NOD1: variants seen among roughly 807,000 people sequenced by gnomAD.
NOD1 encodes nucleotide binding oligomerization domain containing 1.
In NOD1, 70 loss-of-function variants were observed where a neutral mutation model predicts 81.2. The observed-to-expected ratio is 0.86, with a 90% CI of 0.71 to 1.05. NOD1 has a LOEUF of 1.05. NOD1 is among the 50% of genes least tolerant of loss of function. The probability of loss-of-function intolerance (pLI) is 0.00; values close to 1 mark genes in which losing one functional copy is unlikely to be tolerated. For synonymous variants in NOD1, 508 were observed against 526.9 expected, an observed-to-expected ratio of 0.96 and a Z score of 0.49; for missense variants, 1,233 against 1,228.0, an observed-to-expected ratio of 1.00 and a Z score of -0.06.
intron 1 of NOD1, among the ~76,000 whole-genome samples, chr7:30,463,283 G>GAAAGGCAA (rs1787345100): frequency 6.6e-6 from 1 of 152,052 alleles, no homozygotes; most frequent in African/African-American, 2.4e-5. Context: ...TTCTTTTAAG[G>GAAAGGCAA]AAAGGCAAAA....
intron 1 of NOD1, chr7:30,460,287 T>G (rs1466966469): frequency 1.0e-6 from 1 of 985,330 alleles, no homozygotes; most frequent in African/African-American, 1.7e-5. Context: ...TGGGCACTTA[T>G]TACCAGAAAC....
intron 3 of NOD1, among the ~76,000 whole-genome samples, chr7:30,457,391 C>A (rs1193604243): frequency 6.6e-6 from 1 of 152,094 alleles, no homozygotes; most frequent in African/African-American, 2.4e-5. Context: ...TTCAAGGCTG[C>A]AGTGAACGAT....
chr7:30,463,745 GTACC>G lies in NOD1; in HGVS notation c.-351-3708_-351-3705del, dbSNP rs1787398240. The stretch of plus-strand genomic sequence containing the variant: ...CATTTTATAAAGATGTTCTCCACAT[GTACC>G]TTTCTATGTTTTAATAACTTTTTCT... On this transcript the variant is annotated intron_variant, in intron 1 of 13. Transcript: ENST00000222823. 4 of 151,822 alleles carry G rather than the reference GTACC, an allele frequency of 2.6e-5. No homozygotes were observed. In the South Asian group the frequency reaches 8.3e-4, roughly 32 times the overall value. The allele number at this position is 151,822 out of a possible 1,614,324, so 9.4% of individuals were successfully genotyped here.
chr7:30,468,895 A>G, intron 1 of NOD1: 1 of 985,456 alleles, frequency 1.0e-6, no homozygotes, highest in Non-Finnish European at 1.2e-6. Flanking sequence ...TTGGATGTTC[A>G]GGGTTGTGGT....
At chr7:30,455,754 A>G (rs1786296941) in intron 4 of NOD1, among the ~76,000 whole-genome samples, 1 of 152,066 alleles carries the variant, frequency 6.6e-6, no homozygotes, top group Non-Finnish European at 1.5e-5. Flanking sequence ...GGCACCCACC[A>G]CCATGCCCGA....
chr7:30,433,759 T>TG (rs996479180), intron 11 of NOD1, among the ~76,000 whole-genome samples: 1 of 152,048 alleles, frequency 6.6e-6, no homozygotes, highest in African/African-American at 2.4e-5. Context: ...GACCCACTTG[T>TG]GCCAGTGGAC....
chr7:30,451,224 A>G lies in NOD1; in HGVS notation c.2193T>C (p.Thr731=), dbSNP rs1243710456. Residue 731 remains threonine (T), a synonymous_variant, in exon 6 of 14, where the codon ACT becomes ACC. Transcript: ENST00000222823. This position sits in a 1 kb window ranked among gnomAD's most constrained non-coding sequence, Gnocchi z 4.2. The part of the protein sequence containing the change: ...RELQPCFSRL[T]VLRLSVNQIT... ...TTGCCTGGCAGCCTCACCTGAGAAC[A>G]GTGAGGCGGCTGAAGCAGGGCTGCA... 5 of 1,612,772 alleles carry G rather than the reference A, an allele frequency of 3.1e-6. No homozygotes were observed. The highest frequency in any genetic ancestry group is 4.2e-6 in the Non-Finnish European group (5 of 1,179,272).
At chr7:30,473,551 A>AT (rs891268934) in intron 1 of NOD1, among the ~76,000 whole-genome samples, 141 of 151,954 alleles carry the variant, frequency 9.3e-4, no homozygotes, top group African/African-American at 3.1e-3. Context: ...TCGGTATCAG[A>AT]TTTTTTTTTC....
Position 30,452,157 on chromosome 7 carries a change from G to A in NOD1, c.1260C>T (p.Thr420=). The A allele has an allele frequency of 6.2e-7, 1 of 1,614,014 alleles. No homozygotes were observed. The highest frequency in any genetic ancestry group is 8.5e-7 in the Non-Finnish European group (1 of 1,180,034). The change falls in exon 6 of 14, where the codon ACC becomes ACT. Residue 420 remains threonine, a synonymous_variant. Coordinates refer to ENST00000222823, the MANE Select transcript of NOD1 (RefSeq NM_006092.4). ...GSPQLPDCTM[T]LTDVFLLVTE... The stretch of plus-strand genomic sequence containing the variant: ...TGACCAGGAGGAAGACATCTGTCAG[G>A]GTCATCGTGCAGTCGGGCAGCTGTG...
chr7:30,460,248 T>C lies in NOD1; in HGVS notation c.-351-207A>G, dbSNP rs57461794. The C allele has an allele frequency of 1.5e-3, 1,480 of 985,382 alleles. 16 individuals are homozygous for C. In the African/African-American group the frequency reaches 0.024, roughly 16 times the overall value. 61.0% of individuals were successfully genotyped at this position (985,382 alleles called of 1,614,324 possible). On this transcript the variant is annotated intron_variant, in intron 1 of 13. Transcript: ENST00000222823. ...CTAAGGGTAGACCAAAACCATACCA[T>C]GGGAGACTGGAGATCAATTCGAAGT...
chr7:30,465,791 C>G (rs902392080), intron 1 of NOD1, among the ~76,000 whole-genome samples: 1 of 152,202 alleles, frequency 6.6e-6, no homozygotes, highest in Non-Finnish European at 1.5e-5. Context: ...GTAGCAGATG[C>G]TATCTTAGAG....
At position 30,446,179 on chromosome 7, in the gene NOD1, G is replaced by A. The variant is rs1230323341; in HGVS notation, c.2415C>T (p.Ala805=). The stretch of plus-strand genomic sequence containing the variant: ...TTGATTTGCTGTTCTTCACAGCCAG[G>A]GCGAGATACTTCCCTCCTTCACTTG... The part of the protein sequence containing the change: ...KITSEGGKYL[A]LAVKNSKSIS... The change falls in exon 9 of 14, where the codon GCC becomes GCT. Residue 805 remains alanine (A), a synonymous_variant. Coordinates refer to ENST00000222823, the MANE Select transcript of NOD1 (RefSeq NM_006092.4). 6.2e-7 allele frequency: 1 copy of A among 1,614,118 alleles called. No homozygotes were observed. Among genetic ancestry groups the A allele is most frequent in the Non-Finnish European group, 8.5e-7 (1 of 1,180,008 alleles).
intron 1 of NOD1, among the ~76,000 whole-genome samples, chr7:30,473,520 C>T (rs1386575078): frequency 6.6e-6 from 1 of 152,186 alleles, no homozygotes; most frequent in African/African-American, 2.4e-5. Flanking sequence ...TTGCAACCCA[C>T]TCTAATAATG....
At chr7:30,433,483 C>G in intron 11 of NOD1, 1 of 419,352 alleles carries the variant, frequency 2.4e-6, no homozygotes, top group Non-Finnish European at 4.3e-6. Context: ...TGGGGGCCCA[C>G]GGAAAACAAA....
chr7:30,463,586 A>G (rs1583843716), intron 1 of NOD1: 1 of 152,760 alleles, frequency 6.5e-6, no homozygotes, highest in East Asian at 1.9e-4. Context: ...GTGGCCCCAG[A>G]GAAACCACAG....
intron 9 of NOD1, among the ~76,000 whole-genome samples, 195 bp from the exon 10 acceptor site, chr7:30,437,851 G>T (rs181423080): frequency 7.2e-5 from 11 of 152,332 alleles, no homozygotes; most frequent in Non-Finnish European, 1.3e-4. Context: ...CAAATTCAAG[G>T]GGTGATGCAA....
chr7:30,427,416 G>C (rs781560676), intron 13 of NOD1, among the ~76,000 whole-genome samples: 3 of 152,236 alleles, frequency 2.0e-5, no homozygotes, highest in Non-Finnish European at 2.9e-5. Flanking sequence ...GCTCCAAGCA[G>C]AGCTGCTCCC....
chr7:30,430,197 AAATAGTTCTCATG>A lies in NOD1; in HGVS notation c.2706-753_2706-741del, dbSNP rs1027862139. 6.6e-5 allele frequency among the ~76,000 whole-genome samples: 10 copies of A among 152,204 alleles called. No homozygotes were observed. The East Asian group carries it at 7.7e-4, about 12-fold the overall frequency. On this transcript the variant is annotated intron_variant, in intron 12 of 13. Coordinates refer to ENST00000222823, the MANE Select transcript of NOD1 (RefSeq NM_006092.4). Reference sequence around the variant, plus strand: ...GAGGAGAAACAGTTATGCTGCCATGAAATAGTTCTCATGAATAGTTCTCATGGGGCTCAGTGGA... The same window carrying A: ...GAGGAGAAACAGTTATGCTGCCATGAAATAGTTCTCATGGGGCTCAGTGGA...
intron 13 of NOD1, among the ~76,000 whole-genome samples, chr7:30,428,194 C>T (rs1783626116): frequency 6.6e-6 from 1 of 152,164 alleles, no homozygotes; most frequent in Admixed American, 6.5e-5. Context: ...CATCAGCTTC[C>T]TGAGTAGCTG....
Sources: allele counts gnomAD v4.1 joint callset (sites outside exome capture counted in the v4.1 genomes callset), GRCh38; gene constraint gnomAD v4.1.1; non-coding constraint Gnocchi (gnomAD v3.1); transcripts MANE v1.5; gene names NCBI Gene and HGNC (gene_info 2026-07-23, HGNC 2026-07-21).